FAF1: variants seen among roughly 807,000 people sequenced by gnomAD.
FAF1 encodes FAS-associated factor 1.
Under a neutral mutation model 92.5 loss-of-function variants are expected in FAF1, and 25 were observed. The ratio of observed to expected loss-of-function variants is 0.27; its 90% CI spans 0.20 to 0.38. FAF1 has a LOEUF of 0.38. Among genes scored for constraint, FAF1 ranks in the 10% least tolerant of loss-of-function variants. The pLI is 1.00. For missense variants in FAF1, 636 were observed against 793.3 expected (o/e 0.80, Z 2.38); for synonymous variants, 234 against 273.2 (o/e 0.86, Z 1.42).
At chr1:50,709,961 C>T (rs141908577) in intron 6 of FAF1, among the ~76,000 whole-genome samples, 14 of 152,042 alleles carry the variant, frequency 9.2e-5, no homozygotes, top group South Asian at 2.1e-4. Context: ...TCAGAAACGA[C>T]GATGGGGGAA....
intron 13 of FAF1, among the ~76,000 whole-genome samples, chr1:50,554,386 TATATAGAG>T (rs1278202684): frequency 5.0e-5 from 5 of 99,494 alleles, no homozygotes; most frequent in South Asian, 6.1e-4. Flanking sequence ...TATATATATA[TATATAGAG>T]AGAGAGAGAG....
At chr1:50,782,807 G>C (rs1661227149) in intron 4 of FAF1, among the ~76,000 whole-genome samples, 1 of 152,116 alleles carries the variant, frequency 6.6e-6, no homozygotes, top group South Asian at 2.1e-4. Context: ...TGCTTATAAA[G>C]TCTGCATCAA....
chr1:50,660,899 C>A (rs984160643), intron 7 of FAF1, among the ~76,000 whole-genome samples: 4 of 152,020 alleles, frequency 2.6e-5, no homozygotes, highest in South Asian at 4.2e-4. Context: ...AAAACATGAT[C>A]GTTTCTGATT....
At chr1:50,703,014 T>A (rs56274214) in intron 7 of FAF1, among the ~76,000 whole-genome samples, 30,863 of 149,868 alleles carry the variant, frequency 0.21, 3,275 homozygotes, top group Non-Finnish European at 0.23. Flanking sequence ...TTAAAAAAAA[T>A]ATATATATAA....
chr1:50,441,642 C>A, intron 18 of FAF1, 119 bp from the exon 19 acceptor site: 1 of 513,880 alleles, frequency 1.9e-6, no homozygotes, highest in South Asian at 3.6e-5. Flanking sequence ...AAGAGTCTCG[C>A]AGTATCTTAG....
chr1:50,853,698 C>G (rs559212857), intron 2 of FAF1, among the ~76,000 whole-genome samples: 1 of 152,136 alleles, frequency 6.6e-6, no homozygotes, highest in South Asian at 2.1e-4. Context: ...TTCCCTGGAT[C>G]TGCTACAGAT....
intron 8 of FAF1, among the ~76,000 whole-genome samples, chr1:50,605,564 A>G (rs1184390497): frequency 6.6e-6 from 1 of 151,766 alleles, no homozygotes; most frequent in South Asian, 2.1e-4. Context: ...TTCAAAGTCA[A>G]CTTTTTTTTT....
intron 8 of FAF1, among the ~76,000 whole-genome samples, chr1:50,617,740 T>G (rs571585958): frequency 6.6e-6 from 1 of 151,336 alleles, no homozygotes; most frequent in Non-Finnish European, 1.5e-5. Flanking sequence ...TGATACCAGT[T>G]CTTCTTTAGG....
At chr1:50,549,357 G>A (rs1649181231) in intron 13 of FAF1, among the ~76,000 whole-genome samples, 3 of 152,088 alleles carry the variant, frequency 2.0e-5, no homozygotes, top group Admixed American at 2.0e-4. Context: ...TGCCCAGGCT[G>A]GAGTGCAGTG....
intron 12 of FAF1, among the ~76,000 whole-genome samples, chr1:50,582,239 TA>T (rs531410756): frequency 7.5e-4 from 114 of 151,476 alleles, no homozygotes; most frequent in Non-Finnish European, 1.2e-3. Context: ...TTTTCCCATT[TA>T]AAAAAAAACC....
intron 7 of FAF1, among the ~76,000 whole-genome samples, chr1:50,691,567 A>G (rs942170595): frequency 6.6e-6 from 1 of 151,718 alleles, no homozygotes; most frequent in Non-Finnish European, 1.5e-5. Context: ...TAGCCATCCT[A>G]GTGGTGTGAA....
At chr1:50,842,434 A>C (rs181164535) in intron 2 of FAF1, among the ~76,000 whole-genome samples, 4 of 152,230 alleles carry the variant, frequency 2.6e-5, no homozygotes, top group Admixed American at 2.6e-4. Flanking sequence ...TTAAGCATAT[A>C]TTTTAATACT....
At position 50,952,640 on chromosome 1, in the gene FAF1, C is replaced by T. The variant is rs28414269; in HGVS notation, c.45+7127G>A. Among the ~76,000 whole-genome samples the T allele has an allele frequency of 8.4e-3, 1,272 of 151,900 alleles. 21 individuals carry two copies. Among genetic ancestry groups the T allele is most frequent in the African/African-American group, 0.028 (1,176 of 41,380 alleles). ...GAAGTGAGGAGCGCCTCTTCCCGGC[C>T]GCCATCCCGTCTAGGAAGTGAGGAG... On this transcript the variant is annotated intron_variant, in intron 1 of 18. Coordinates refer to ENST00000396153, the MANE Select transcript of FAF1 (RefSeq NM_007051.3).
At chr1:50,892,341 G>A (rs55724112) in intron 1 of FAF1, among the ~76,000 whole-genome samples, 1,632 of 152,272 alleles carry the variant, frequency 0.011, 28 homozygotes, top group African/African-American at 0.036. Flanking sequence ...TTTGGTTCAC[G>A]CTTGGTGCGC....
In FAF1 at chr1:50,527,840, TCTCCCTCTCTCC is replaced by T. The variant is rs1251405590; in HGVS notation, c.1494+7517_1494+7528del. Among the ~76,000 whole-genome samples the T allele has an allele frequency of 1.2e-4, 6 of 50,942 alleles. No individual in the cohort carries two copies. In the East Asian group the frequency reaches 3.2e-3, roughly 27 times the overall value. The allele number at this position is 50,942 out of a possible 152,430, so 33.4% of individuals were successfully genotyped here. A position where few individuals can be genotyped will look rare whatever the true frequency, so the allele number is the denominator to read the frequency against. On this transcript the variant is annotated intron_variant, in intron 15 of 18. Transcript: ENST00000396153. ...CTCTCTCTCTCTCTCTCTCTCTCTC[TCTCCCTCTCTCC>T]CTCTCTCCCTCTCTCCCTCTCTCTC...
intron 15 of FAF1, among the ~76,000 whole-genome samples, chr1:50,515,386 T>TCTTA (rs1647204442): frequency 6.6e-6 from 1 of 152,116 alleles, no homozygotes; most frequent in Non-Finnish European, 1.5e-5. Flanking sequence ...AACCAGTGGT[T>TCTTA]CTTAAATTTT....
At chr1:50,612,005 C>T (rs189089647) in intron 8 of FAF1, among the ~76,000 whole-genome samples, 16 of 152,290 alleles carry the variant, frequency 1.1e-4, no homozygotes, top group African/African-American at 3.9e-4. Flanking sequence ...TGTAGAAAAT[C>T]ACACATATTG....
At chr1:50,785,104 G>A (rs1034612627) in intron 4 of FAF1, among the ~76,000 whole-genome samples, 11 of 131,090 alleles carry the variant, frequency 8.4e-5, no homozygotes, top group Non-Finnish European at 1.2e-4. Flanking sequence ...CTGTCCTCCA[G>A]CCTGGGTGAC....
At position 50,959,847 on chromosome 1, in the gene FAF1, C is replaced by G. The variant is rs1645301164; in HGVS notation, c.-36G>C. ...GAGTTCCGCGGCTCCGGGAGCGAAG[C>G]GCGCACCTGGGAGGCAGACGGCACC... On this transcript the variant is annotated 5_prime_UTR_variant, in exon 1 of 19. Coordinates refer to ENST00000396153, the MANE Select transcript of FAF1 (RefSeq NM_007051.3). 1.3e-6 allele frequency: 2 copies of G among 1,519,962 alleles called. No individual in the cohort carries two copies. The highest frequency in any genetic ancestry group is 1.2e-5 in the South Asian group (1 of 83,324). 94.2% of individuals were successfully genotyped at this position (1,519,962 alleles called of 1,614,324 possible). A position where few individuals can be genotyped will look rare whatever the true frequency, so the allele number is the denominator to read the frequency against.
Sources: gnomAD v4.1 joint callset for allele counts (sites outside exome capture counted in the v4.1 genomes callset) on GRCh38, gnomAD v4.1.1 for gene constraint, MANE v1.5 for transcripts, NCBI Gene and HGNC (gene_info 2026-07-23, HGNC 2026-07-21) for gene names.